The following HMGB2 variants were observed in gnomAD, a reference collection of about 807,000 sequenced individuals.
HMGB2 encodes the protein high mobility group protein B2.
In HMGB2, 2 loss-of-function variants were observed where a neutral mutation model predicts 23.0. The ratio of observed to expected loss-of-function variants is 0.09; its 90% CI spans 0.04 to 0.27. The LOEUF is 0.27. Ranked by LOEUF, HMGB2 falls within the 10% of genes least tolerant of loss-of-function variation. HMGB2 has a pLI of 1.00. For missense variants in HMGB2, 178 were observed against 256.5 expected, an observed-to-expected ratio of 0.69 and a Z score of 2.09; for synonymous variants, 99 against 87.5, an observed-to-expected ratio of 1.13 and a Z score of -0.73.
In HMGB2 at chr4:173,333,975, C is replaced by G. The variant is rs1738182549; in HGVS notation, c.-21+297G>C. On this transcript the variant is annotated intron_variant, in intron 1 of 4. Transcript: ENST00000296503. This position sits in a 1 kb window ranked among gnomAD's most constrained non-coding sequence, Gnocchi z 4.6. ...AGTCCGGTGACTCCGCAAGCGCCCT[C>G]AAAACGCCTTTCCTGACAGAAATGT... 1.1e-5 allele frequency: 2 copies of G among 180,834 alleles called. No individual in the cohort carries two copies. Among genetic ancestry groups the G allele is most frequent in the African/African-American group, 2.4e-5 (1 of 42,428 alleles). The allele number at this position is 180,834 out of a possible 1,614,324, so 11.2% of individuals were successfully genotyped here.
At chr4:173,332,496 C>G (rs73005357) in intron 4 of HMGB2, 26,427 of 496,406 alleles carry the variant, frequency 0.053, 1,376 homozygotes, top group African/African-American at 0.18. Context: ...CATAGTCCCT[C>G]CTGTACCTTC....
At position 173,333,513 on chromosome 4, in the gene HMGB2, G is replaced by A. The variant is rs1246880486; in HGVS notation, c.137C>T (p.Ser46Leu). ...CTCCTGCCTCACCTTCCATCTCTCCGAACACTTCTTGGAGAATTCCGCGAA... is the reference window on the plus strand; with the variant it reads ...CTCCTGCCTCACCTTCCATCTCTCCAAACACTTCTTGGAGAATTCCGCGAA... The part of the protein sequence containing the change: ...VNFAEFSKKC[S>L]ERWKTMSAKE... Residue 46 changes from serine to leucine, a missense_variant, in exon 2 of 5, where the codon TCG becomes TTG. By Grantham distance (145) the Ser-to-Leu change is moderately radical. Coordinates refer to ENST00000296503, the MANE Select transcript of HMGB2 (RefSeq NM_002129.4). This position sits in a 1 kb window ranked among gnomAD's most constrained non-coding sequence, Gnocchi z 4.6. 1.2e-6 allele frequency: 2 copies of A among 1,613,646 alleles called. No homozygotes were observed. The highest frequency in any genetic ancestry group is 8.5e-7 in the Non-Finnish European group (1 of 1,179,736).
At position 173,333,023 on chromosome 4, in the gene HMGB2, A is replaced by T. The variant is rs1181707752; in HGVS notation, c.297-28T>A. Reference sequence around the variant, plus strand: ...GAAAGGAAGCAACAGAGTTTAATAAACTGAAGGAAAAATCCAAGGAGCAAT... The same window carrying T: ...GAAAGGAAGCAACAGAGTTTAATAATCTGAAGGAAAAATCCAAGGAGCAAT... On this transcript the variant is annotated intron_variant, in intron 3 of 4. Coordinates refer to ENST00000296503, the MANE Select transcript of HMGB2 (RefSeq NM_002129.4). The surrounding 1 kb of genome is among the most constrained non-coding windows in gnomAD (Gnocchi z 4.6). 1 of 1,612,604 alleles carries T rather than the reference A, an allele frequency of 6.2e-7. No homozygotes were observed. The highest frequency in any genetic ancestry group is 1.1e-5 in the South Asian group (1 of 91,004).
At position 173,332,982 on chromosome 4, in the gene HMGB2, G is replaced by A. The variant is rs756968769; in HGVS notation, c.310C>T (p.Leu104=). The stretch of plus-strand genomic sequence containing the variant: ...TTTGGGCGATGTTCAGAGCAAAACA[G>A]GAAGAAGGCAGATCTGAAAGGAAGC... The part of the protein sequence containing the change: ...APKRPPSAFF[L]FCSEHRPKIK... The change falls in exon 4 of 5, where the codon CTG becomes TTG. Residue 104 remains leucine (L), a synonymous_variant. Coordinates refer to ENST00000296503, the MANE Select transcript of HMGB2 (RefSeq NM_002129.4). The A allele has an allele frequency of 1.2e-6, 2 of 1,614,060 alleles. No homozygotes were observed. The highest frequency in any genetic ancestry group is 1.3e-5 in the African/African-American group (1 of 75,058).
chr4:173,331,832 C>A lies in HMGB2; in HGVS notation c.*248G>T, dbSNP rs985724422. On this transcript the variant is annotated 3_prime_UTR_variant, in exon 5 of 5. Coordinates refer to ENST00000296503, the MANE Select transcript of HMGB2 (RefSeq NM_002129.4). Reference sequence around the variant, plus strand: ...TACCATACACAAGAAATTAAAAAAACCATTAAATATTTAGGAACATTCAAC... The same window carrying A: ...TACCATACACAAGAAATTAAAAAAAACATTAAATATTTAGGAACATTCAAC... 3 of 412,096 alleles carry A rather than the reference C, an allele frequency of 7.3e-6. No homozygotes were observed. The highest frequency in any genetic ancestry group is 2.1e-5 in the African/African-American group (1 of 48,116). The allele number at this position is 412,096 out of a possible 1,614,324, so 25.5% of individuals were successfully genotyped here.
rs981760933 is a variant in HMGB2 at position 173,331,395 on chromosome 4, T to C, written c.*685A>G. 6.5e-4 allele frequency among the ~76,000 whole-genome samples: 92 copies of C among 141,018 alleles called. 1 individual carries two copies. Among genetic ancestry groups the C allele is most frequent in the Admixed American group, 1.4e-3 (20 of 14,334 alleles). 92.5% of individuals were successfully genotyped at this position (141,018 alleles called of 152,430 possible). A position where few individuals can be genotyped will look rare whatever the true frequency, so the allele number is the denominator to read the frequency against. On this transcript the variant is annotated 3_prime_UTR_variant, in exon 5 of 5. Transcript: ENST00000296503. ...ATATACATATATATATATATATATA[T>C]GTATATATATATACACACACCTGAG...
Position 173,332,016 on chromosome 4 carries a change from T to A in HMGB2, c.*64A>T. On this transcript the variant is annotated 3_prime_UTR_variant, in exon 5 of 5. Transcript: ENST00000296503. ...TATTGAGCTGCACTTGAATTCACATTCTTAGCAAAATAATTGCCTGAGCAC... is the reference window on the plus strand; with the variant it reads ...TATTGAGCTGCACTTGAATTCACATACTTAGCAAAATAATTGCCTGAGCAC... The A allele has an allele frequency of 1.2e-6, 2 of 1,603,536 alleles. No individual in the cohort carries two copies. Among genetic ancestry groups the A allele is most frequent in the African/African-American group, 1.3e-5 (1 of 74,748 alleles).
Position 173,333,210 on chromosome 4 carries a change from A to G in HMGB2, c.155T>C (p.Met52Thr). 1 of 1,613,674 alleles carries G rather than the reference A, an allele frequency of 6.2e-7. No individual in the cohort carries two copies. ...SKKCSERWKT[M>T]SAKEKSKFED... is the part of the protein sequence containing the mutation. ...AAACTTCGACTTCTCCTTTGCAGAC[A>G]TGGTCTGTGGACATAAAATAAGAGC... Residue 52 changes from methionine to threonine, a missense_variant, in exon 3 of 5, where the codon ATG becomes ACG. Met to Thr is a moderately conservative substitution (Grantham distance 81). Transcript: ENST00000296503. This position sits in a 1 kb window ranked among gnomAD's most constrained non-coding sequence, Gnocchi z 4.6.
Position 173,333,351 on chromosome 4 carries a change from A to G in HMGB2, c.151-137T>C, listed in dbSNP as rs1578934899. ...CGAAGTCTTATATAAGTAAAAACCT[A>G]AAATCGTCTGCCTGGAACTCTTAAG... is the stretch of plus-strand genomic sequence containing the variant. On this transcript the variant is annotated intron_variant, in intron 2 of 4. Transcript: ENST00000296503. This position sits in a 1 kb window ranked among gnomAD's most constrained non-coding sequence, Gnocchi z 4.6. 7.3e-7 allele frequency: 1 copy of G among 1,364,234 alleles called. No individual in the cohort carries two copies. The highest frequency in any genetic ancestry group is 2.3e-5 in the East Asian group (1 of 43,086). 84.5% of individuals were successfully genotyped at this position (1,364,234 alleles called of 1,614,324 possible). A position where few individuals can be genotyped will look rare whatever the true frequency, so the allele number is the denominator to read the frequency against.
In HMGB2 at chr4:173,332,989, G is replaced by A. The variant is rs778665057; in HGVS notation, c.303C>T (p.Ala101=). 1.6e-5 allele frequency: 26 copies of A among 1,613,862 alleles called. No homozygotes were observed. The highest frequency in any genetic ancestry group is 2.2e-5 in the East Asian group (1 of 44,878). ...GATGTTCAGAGCAAAACAGGAAGAA[G>A]GCAGATCTGAAAGGAAGCAACAGAG... is the stretch of plus-strand genomic sequence containing the variant. ...DPNAPKRPPS[A]FFLFCSEHRP... Residue 101 remains alanine, a synonymous_variant, in exon 4 of 5, where the codon GCC becomes GCT. Coordinates refer to ENST00000296503, the MANE Select transcript of HMGB2 (RefSeq NM_002129.4).
intron 4 of HMGB2, chr4:173,332,517 T>TA: frequency 2.1e-6 from 1 of 475,342 alleles, no homozygotes; most frequent in East Asian, 3.4e-5. Flanking sequence ...ACATTTTATA[T>TA]ATATCTACAT....
chr4:173,332,364 T>A (rs1738124348), intron 4 of HMGB2, 126 bp from the exon 5 acceptor site: 2 of 726,380 alleles, frequency 2.8e-6, no homozygotes, highest in African/African-American at 1.8e-5. Flanking sequence ...GTAACCAGTC[T>A]AAGTTTTTAG....
chr4:173,333,114 T>C lies in HMGB2; in HGVS notation c.251A>G (p.Asp84Gly). ...EMKNYVPPKG[D>G]KKGKKKDPNA... The stretch of plus-strand genomic sequence containing the variant: ...GGGGTCCTTTTTCTTCCCCTTCTTA[T>C]CACCTTTGGGAGGAACGTAATTTTT... The change falls in exon 3 of 5, where the codon GAT (aspartate) becomes GGT (glycine). Residue 84 changes from aspartate (D) to glycine (G), a missense_variant. Asp to Gly is a moderately conservative substitution (Grantham distance 94). Coordinates refer to ENST00000296503, the MANE Select transcript of HMGB2 (RefSeq NM_002129.4). The surrounding 1 kb of genome is among the most constrained non-coding windows in gnomAD (Gnocchi z 4.6). 1 of 1,614,134 alleles carries C rather than the reference T, an allele frequency of 6.2e-7. No individual in the cohort carries two copies. Among genetic ancestry groups the C allele is most frequent in the South Asian group, 1.1e-5 (1 of 91,074 alleles).
At chr4:173,332,766 C>T (rs917698626) in intron 4 of HMGB2, 55 bp downstream of exon 4, 4 of 1,457,264 alleles carry the variant, frequency 2.7e-6, no homozygotes, top group Non-Finnish European at 3.8e-6. Flanking sequence ...AGGTTTTCTA[C>T]AGTTATTACC....
intron 4 of HMGB2, chr4:173,332,532 C>A: frequency 2.2e-6 from 1 of 461,984 alleles, no homozygotes. Flanking sequence ...CTACATAAAA[C>A]AATTTCTTTG....
In HMGB2 at chr4:173,333,920, G is replaced by T. The variant is rs779395939; in HGVS notation, c.-20-251C>A. ...CTCAGCCCAGCAAGTGGCTCCCGGG[G>T]CCCGAGACGCCGCCGCCCGCCCTTC... On this transcript the variant is annotated intron_variant, in intron 1 of 4. Transcript: ENST00000296503. This position sits in a 1 kb window ranked among gnomAD's most constrained non-coding sequence, Gnocchi z 4.6. 2 of 227,384 alleles carry T rather than the reference G, an allele frequency of 8.8e-6. No individual in the cohort carries two copies. Among genetic ancestry groups the T allele is most frequent in the Non-Finnish European group, 1.7e-5 (2 of 117,102 alleles). The allele number at this position is 227,384 out of a possible 1,614,324, so 14.1% of individuals were successfully genotyped here. A position where few individuals can be genotyped will look rare whatever the true frequency, so the allele number is the denominator to read the frequency against.
rs1413657645 is a variant in HMGB2 at position 173,331,595 on chromosome 4, GAAC to G, written c.*482_*484del. On this transcript the variant is annotated 3_prime_UTR_variant, in exon 5 of 5. Transcript: ENST00000296503. ...ATTTTACTAGGTCAACTGTGTCTAA[GAAC>G]TACTAGGCAGAAATACCGAAAAAAA... 3 of 151,692 alleles carry G rather than the reference GAAC, an allele frequency of 2.0e-5. No individual in the cohort carries two copies. Among genetic ancestry groups the G allele is most frequent in the African/African-American group, 7.3e-5 (3 of 41,220 alleles). 9.4% of individuals were successfully genotyped at this position (151,692 alleles called of 1,614,324 possible).
rs1174234349 is a variant in HMGB2 at position 173,333,698 on chromosome 4, G to C, written c.-20-29C>G. 3 of 1,534,062 alleles carry C rather than the reference G, an allele frequency of 2.0e-6. No homozygotes were observed. The African/African-American group carries it at 4.2e-5, about 22-fold the overall frequency. On this transcript the variant is annotated intron_variant, in intron 1 of 4. Transcript: ENST00000296503. This position sits in a 1 kb window ranked among gnomAD's most constrained non-coding sequence, Gnocchi z 4.6. ...ACGGGGCCGAGGGGGGAGAGGGGAA[G>C]CCGGAGGGTCGGCGCGGAGCCCGCA... is the stretch of plus-strand genomic sequence containing the variant.
In HMGB2 at chr4:173,331,540, T is replaced by TA. The variant is rs1738096908; in HGVS notation, c.*539dup. Among the ~76,000 whole-genome samples, 3 of 151,774 alleles carry TA rather than the reference T, an allele frequency of 2.0e-5. No homozygotes were observed. In the South Asian group the frequency reaches 6.2e-4, roughly 31 times the overall value. ...TAACTTTTAAAGAACATTTTGCAAA[T>TA]ATGAGCATGTTTGGTTTTAATTCTC... On this transcript the variant is annotated 3_prime_UTR_variant, in exon 5 of 5. Transcript: ENST00000296503.
Sources: gnomAD v4.1 joint callset for allele counts (sites outside exome capture counted in the v4.1 genomes callset) on GRCh38, gnomAD v4.1.1 for gene constraint, Gnocchi (gnomAD v3.1) non-coding constraint, MANE v1.5 for transcripts, NCBI Gene and HGNC (gene_info 2026-07-23, HGNC 2026-07-21) for gene names.